The following KLRG2 variants were observed in gnomAD, a reference collection of about 807,000 sequenced individuals.
The protein encoded by KLRG2 is killer cell lectin-like receptor subfamily G member 2.
Under a neutral mutation model 35.4 loss-of-function variants are expected in KLRG2, and 39 were observed. The observed-to-expected ratio is 1.10, with a 90% CI of 0.85 to 1.44. The LOEUF is 1.44. KLRG2 is among the 40% of genes most tolerant of loss of function. The probability of loss-of-function intolerance (pLI) is 0.00; values close to 1 mark genes in which losing one functional copy is unlikely to be tolerated. For synonymous variants in KLRG2, 283 were observed against 265.8 expected (o/e 1.06, Z -0.63); for missense variants, 632 against 570.9 (o/e 1.11, Z -1.09).
chr7:139,466,724 TACTC>T (rs1585169669), intron 3 of KLRG2, among the ~76,000 whole-genome samples: 1 of 142,888 alleles, frequency 7.0e-6, no homozygotes, highest in Non-Finnish European at 1.5e-5. Flanking sequence ...GGCCTCGACT[TACTC>T]ACTGCTAAAA....
downstream of KLRG2, among the ~76,000 whole-genome samples, chr7:139,450,584 ATTGT>A (rs1480870072): frequency 6.6e-6 from 1 of 152,118 alleles, no homozygotes; most frequent in Non-Finnish European, 1.5e-5. Flanking sequence ...CCATTTTTAA[ATTGT>A]TTGATATTTC....
chr7:139,468,270 A>C lies in KLRG2; in HGVS notation c.1005+11357T>G, dbSNP rs189227958. ...GAACGCTGGTCCCCTGGGCCCCCTT[A>C]TTTCTTTCTCTATACTTTGTCTCTG... On this transcript the variant is annotated intron_variant, in intron 3 of 4. Transcript: ENST00000340940. Among the ~76,000 whole-genome samples, 246 of 151,986 alleles carry C rather than the reference A, an allele frequency of 1.6e-3. 2 individuals are homozygous for C. The highest frequency in any genetic ancestry group is 1.6e-3 in the Non-Finnish European group (111 of 67,970).
intron 3 of KLRG2, among the ~76,000 whole-genome samples, chr7:139,464,380 G>A (rs34936760): frequency 6.8e-4 from 103 of 152,208 alleles, no homozygotes; most frequent in Admixed American, 1.2e-3. Flanking sequence ...CATTTTACCT[G>A]TCCTAAAACC....
At chr7:139,438,974 G>A in the KLRG2 span, among the ~76,000 whole-genome samples, 169 of 132,648 alleles carry the variant, frequency 1.3e-3, 1 homozygote, top group Non-Finnish European at 2.0e-3. Flanking sequence ...GATTACAGGC[G>A]TGAGCCACCA....
chr7:139,475,816 G>A (rs1010166756), intron 3 of KLRG2, among the ~76,000 whole-genome samples: 5 of 152,178 alleles, frequency 3.3e-5, no homozygotes, highest in African/African-American at 1.2e-4. Context: ...CTGGACTTGC[G>A]ACGGGCGTCT....
intron 3 of KLRG2, among the ~76,000 whole-genome samples, chr7:139,457,291 G>T (rs938260333): frequency 6.6e-6 from 1 of 152,128 alleles, no homozygotes; most frequent in African/African-American, 2.4e-5. Flanking sequence ...GAGTCAGAGG[G>T]CTGAGCGGCC....
chr7:139,467,180 C>T (rs1392058863), intron 3 of KLRG2, among the ~76,000 whole-genome samples: 1 of 152,142 alleles, frequency 6.6e-6, no homozygotes, highest in Admixed American at 6.6e-5. Flanking sequence ...CGAAGCAGCC[C>T]TGAGAAACAT....
chr7:139,458,457 C>T (rs918687599), intron 3 of KLRG2, among the ~76,000 whole-genome samples: 1 of 151,998 alleles, frequency 6.6e-6, no homozygotes, highest in African/African-American at 2.4e-5. Flanking sequence ...GTGTACAGTT[C>T]AAGGGCATGA....
At chr7:139,472,895 G>A (rs1261624359) in intron 3 of KLRG2, among the ~76,000 whole-genome samples, 2 of 152,190 alleles carry the variant, frequency 1.3e-5, no homozygotes, top group African/African-American at 4.8e-5. Flanking sequence ...CCCATGCAGC[G>A]AGGTAACTAA....
At chr7:139,463,442 C>A (rs978887217) in intron 3 of KLRG2, among the ~76,000 whole-genome samples, 4 of 152,180 alleles carry the variant, frequency 2.6e-5, no homozygotes, top group African/African-American at 7.2e-5. Context: ...CTTGCCTCTG[C>A]CATGAGACAA....
intron 3 of KLRG2, among the ~76,000 whole-genome samples, chr7:139,472,444 A>C (rs1259384329): frequency 2.0e-5 from 3 of 149,154 alleles, no homozygotes; most frequent in East Asian, 1.9e-4. Context: ...AAAAAAGGAC[A>C]AAAAAAAATG....
chr7:139,459,368 T>C (rs906112787), intron 3 of KLRG2, among the ~76,000 whole-genome samples: 3 of 152,236 alleles, frequency 2.0e-5, no homozygotes, highest in Non-Finnish European at 4.4e-5. Context: ...AAGTAAGTAA[T>C]GGGATGAACT....
the KLRG2 span, among the ~76,000 whole-genome samples, chr7:139,446,804 T>C: frequency 6.6e-6 from 1 of 152,034 alleles, no homozygotes; most frequent in Non-Finnish European, 1.5e-5. Context: ...AACCTCCTCC[T>C]CCTTCACCCC....
chr7:139,479,602 C>T lies in KLRG2; in HGVS notation c.1005+25G>A, dbSNP rs138611866. 6,370 of 1,606,304 alleles carry T rather than the reference C, an allele frequency of 4.0e-3. 22 individuals are homozygous for T. The highest frequency in any genetic ancestry group is 5.6e-3 in the Middle Eastern group (34 of 6,050). Reference sequence around the variant, plus strand: ...TGTGGTCTAGAAAGATCTGTACCCCCTTAGATTGGACACCCCCTTCTCACC... The same window carrying T: ...TGTGGTCTAGAAAGATCTGTACCCCTTTAGATTGGACACCCCCTTCTCACC... On this transcript the variant is annotated intron_variant, in intron 3 of 4. Transcript: ENST00000340940.
At chr7:139,441,960 C>G in the KLRG2 span, among the ~76,000 whole-genome samples, 27 of 152,258 alleles carry the variant, frequency 1.8e-4, no homozygotes, top group African/African-American at 5.8e-4. Context: ...AAATCCACAC[C>G]TTGGCACTAA....
chr7:139,472,472 C>CG (rs1796774335), intron 3 of KLRG2, among the ~76,000 whole-genome samples: 1 of 151,276 alleles, frequency 6.6e-6, no homozygotes, highest in Admixed American at 6.6e-5. Flanking sequence ...AAGCTGAGTG[C>CG]GGTGGCTCAT....
intron 3 of KLRG2, among the ~76,000 whole-genome samples, chr7:139,457,858 TTA>T (rs1256035334): frequency 6.6e-6 from 1 of 151,826 alleles, no homozygotes; most frequent in East Asian, 1.9e-4. Flanking sequence ...TTGTTCAGAG[TTA>T]TAAATAAACT....
chr7:139,474,463 A>T (rs1199535090), intron 3 of KLRG2, among the ~76,000 whole-genome samples: 2 of 152,172 alleles, frequency 1.3e-5, no homozygotes, highest in Non-Finnish European at 2.9e-5. Flanking sequence ...ATCTCTATCT[A>T]AAATAATGTT....
At chr7:139,445,102 G>A in the KLRG2 span, among the ~76,000 whole-genome samples, 1 of 148,610 alleles carries the variant, frequency 6.7e-6, no homozygotes, top group African/African-American at 2.5e-5. Context: ...TTTTCGAGTT[G>A]GAGTCTCTCA....
Sources: gnomAD v4.1 joint callset for allele counts (sites outside exome capture counted in the v4.1 genomes callset) on GRCh38, gnomAD v4.1.1 for gene constraint, MANE v1.5 for transcripts, NCBI Gene and HGNC (gene_info 2026-07-23, HGNC 2026-07-21) for gene names.